The following C8G variants were observed in gnomAD, a reference collection of about 807,000 sequenced individuals.
C8G encodes complement component C8 gamma chain.
Under a neutral mutation model 29.1 loss-of-function variants are expected in C8G, and 38 were observed. That is an observed-to-expected ratio of 1.31 (90% CI 1.01 to 1.71). The LOEUF is 1.71. Among genes scored for constraint, C8G ranks in the 40% most tolerant of loss-of-function variants. C8G has a pLI of 0.00. For synonymous variants in C8G, 158 were observed against 113.2 expected (o/e 1.40, Z -2.51); for missense variants, 300 against 267.4 (o/e 1.12, Z -0.85).
Position 136,946,425 on chromosome 9 carries a change from G to A in C8G, c.455-40G>A, listed in dbSNP as rs555819113. The A allele has an allele frequency of 7.0e-5, 108 of 1,541,278 alleles. No individual in the cohort carries two copies. In the African/African-American group the frequency reaches 9.9e-4, roughly 14 times the overall value. ...CCCCGTTTCCAGAGCCCTCCACGCC[G>A]CCTGGTGCCAGGACCCCAGGAACCC... is the stretch of plus-strand genomic sequence containing the variant. On this transcript the variant is annotated intron_variant, in intron 4 of 6. Transcript: ENST00000371634.
chr9:136,945,793 A>C (rs1389204744), intron 2 of C8G, 23 bp downstream of exon 2: 1 of 1,542,556 alleles, frequency 6.5e-7, no homozygotes, highest in South Asian at 1.2e-5. Context: ...GCAGCCCTGC[A>C]CCCTAACCCC....
rs1168724063 is a variant in C8G, at chr9:136,945,268, T to C, written c.-53T>C. ...AGCAGAGTAGACTCTGTCCTGGGAC[T>C]TGGTGGTGCTACCCTTGGCCTCCCA... On this transcript the variant is annotated 5_prime_UTR_variant, in exon 1 of 7. Coordinates refer to ENST00000371634, the MANE Select transcript of C8G (RefSeq NM_000606.3). The C allele has an allele frequency of 1.3e-6, 2 of 1,542,874 alleles. No individual in the cohort carries two copies. The highest frequency in any genetic ancestry group is 1.8e-6 in the Non-Finnish European group (2 of 1,141,888).
At chr9:136,946,738 G>T in intron 6 of C8G, 30 bp from the exon 7 acceptor site, 1 of 1,608,320 alleles carries the variant, frequency 6.2e-7, no homozygotes, top group Non-Finnish European at 8.5e-7. Context: ...GGGGGCCACT[G>T]CCACCGGCTG....
At chr9:136,946,217 C>A in intron 4 of C8G, 25 bp downstream of exon 4, 1 of 1,525,262 alleles carries the variant, frequency 6.6e-7, no homozygotes. Flanking sequence ...GCCTCTGTGA[C>A]CAGGCAGGCG....
rs1439888992 is a variant in C8G at position 136,946,705 on chromosome 9, G to A, written c.595+16G>A. ...GTCCTGGACGGTGAGTGCACAGCGG[G>A]GCAAGCATGGCGGCGTGGTGAGGGG... On this transcript the variant is annotated intron_variant, in intron 6 of 6. Transcript: ENST00000371634. 6.2e-7 allele frequency: 1 copy of A among 1,611,346 alleles called. No homozygotes were observed. Among genetic ancestry groups the A allele is most frequent in the Non-Finnish European group, 8.5e-7 (1 of 1,179,962 alleles).
At position 136,946,755 on chromosome 9, in the gene C8G, G is replaced by A. The variant is rs754677589; in HGVS notation, c.596-13G>A. 3.9e-5 allele frequency: 62 copies of A among 1,604,582 alleles called. No homozygotes were observed. The East Asian group carries it at 9.2e-4, about 24-fold the overall frequency. On this transcript the variant is annotated splice_polypyrimidine_tract_variant and intron_variant, in intron 6 of 6. Coordinates refer to ENST00000371634, the MANE Select transcript of C8G (RefSeq NM_000606.3). ...GGGCCACTGCCACCGGCTGAGTCTC[G>A]TCTCTGCTGCAGAAGTGAGGAGGTG...
In C8G at chr9:136,946,109, A is replaced by C; in HGVS notation, c.371A>C (p.His124Pro). ...GCCCGAGACGCCCGAGGGGCTGTGCACGTGGTTGTCGCTGAGACCGACTAC... is the reference window on the plus strand; with the variant it reads ...GCCCGAGACGCCCGAGGGGCTGTGCCCGTGGTTGTCGCTGAGACCGACTAC... ...LQARDARGAVHVVVAETDYQS... is the reference protein window; with the variant it reads ...LQARDARGAVPVVVAETDYQS... The change falls in exon 4 of 7, where the codon CAC becomes CCC. Residue 124 changes from histidine to proline, a missense_variant. Transcript: ENST00000371634. 6.3e-7 allele frequency: 1 copy of C among 1,597,076 alleles called. No homozygotes were observed. The highest frequency in any genetic ancestry group is 8.6e-7 in the Non-Finnish European group (1 of 1,169,566).
In C8G at chr9:136,945,878, A is replaced by G. The variant is rs576325209; in HGVS notation, c.276-51A>G. The G allele has an allele frequency of 6.1e-5, 95 of 1,546,642 alleles. No individual in the cohort carries two copies. The African/African-American group carries it at 1.2e-3, about 19-fold the overall frequency. ...CACCCCGGCTGTGGCCTGGACTAGG[A>G]TTCCTGGTTGGGGTCTCCCAGCCTG... On this transcript the variant is annotated intron_variant, in intron 2 of 6. Transcript: ENST00000371634.
chr9:136,946,886 C>A lies in C8G; in HGVS notation c.*105C>A. The A allele has an allele frequency of 1.4e-6, 2 of 1,404,238 alleles. No individual in the cohort carries two copies. Among genetic ancestry groups the A allele is most frequent in the Non-Finnish European group, 1.9e-6 (2 of 1,027,664 alleles). The allele number at this position is 1,404,238 out of a possible 1,614,324, so 87.0% of individuals were successfully genotyped here. ...CCGTGAAACCAGCCTCAGATCAGGG[C>A]CCTGCCACCCAGGGCAGGGGATCTT... On this transcript the variant is annotated 3_prime_UTR_variant, in exon 7 of 7. Coordinates refer to ENST00000371634, the MANE Select transcript of C8G (RefSeq NM_000606.3).
chr9:136,946,450 C>T lies in C8G; in HGVS notation c.455-15C>T. On this transcript the variant is annotated splice_polypyrimidine_tract_variant and intron_variant, in intron 4 of 6. Transcript: ENST00000371634. Reference sequence around the variant, plus strand: ...GCCTGGTGCCAGGACCCCAGGAACCCTGTCTGCCCTGCAGCCCGCTCGCTC... The same window carrying T: ...GCCTGGTGCCAGGACCCCAGGAACCTTGTCTGCCCTGCAGCCCGCTCGCTC... 1.3e-6 allele frequency: 2 copies of T among 1,578,334 alleles called. No individual in the cohort carries two copies. Among genetic ancestry groups the T allele is most frequent in the Non-Finnish European group, 1.7e-6 (2 of 1,161,418 alleles).
chr9:136,946,943 G>T lies in C8G; in HGVS notation c.*162G>T. ...GCTGCCCCAGAGGACAGTGGGTGGA[G>T]TGGTACCTACTTATTAAATGTCTCA... On this transcript the variant is annotated 3_prime_UTR_variant, in exon 7 of 7. Coordinates refer to ENST00000371634, the MANE Select transcript of C8G (RefSeq NM_000606.3). 1.2e-6 allele frequency: 1 copy of T among 835,796 alleles called. No individual in the cohort carries two copies. 51.8% of individuals were successfully genotyped at this position (835,796 alleles called of 1,614,324 possible). A position where few individuals can be genotyped will look rare whatever the true frequency, so the allele number is the denominator to read the frequency against.
In C8G at chr9:136,946,291, C is replaced by T. The variant is rs756062761; in HGVS notation, c.454+99C>T. 16 of 1,366,352 alleles carry T rather than the reference C, an allele frequency of 1.2e-5. No homozygotes were observed. The Middle Eastern group carries it at 2.7e-3, about 232-fold the overall frequency. The allele number at this position is 1,366,352 out of a possible 1,614,324, so 84.6% of individuals were successfully genotyped here. On this transcript the variant is annotated intron_variant, in intron 4 of 6. Coordinates refer to ENST00000371634, the MANE Select transcript of C8G (RefSeq NM_000606.3). Reference sequence around the variant, plus strand: ...TGGGTGAGCCCATGGGGACACACTTCCTTTCTCCCATCCTGATCCTCCTGC... The same window carrying T: ...TGGGTGAGCCCATGGGGACACACTTTCTTTCTCCCATCCTGATCCTCCTGC...
At position 136,946,913 on chromosome 9, in the gene C8G, T is replaced by G; in HGVS notation, c.*132T>G. ...CTGCCACCCAGGGCAGGGGATCTTC[T>G]GCCGGCTGCCCCAGAGGACAGTGGG... On this transcript the variant is annotated 3_prime_UTR_variant, in exon 7 of 7. Transcript: ENST00000371634. 8.6e-7 allele frequency: 1 copy of G among 1,166,316 alleles called. No individual in the cohort carries two copies. Among genetic ancestry groups the G allele is most frequent in the Non-Finnish European group, 1.2e-6 (1 of 812,306 alleles). The allele number at this position is 1,166,316 out of a possible 1,614,324, so 72.2% of individuals were successfully genotyped here. A position where few individuals can be genotyped will look rare whatever the true frequency, so the allele number is the denominator to read the frequency against.
Position 136,945,720 on chromosome 9 carries a change from G to C in C8G, c.225G>C (p.Leu75=). ...GCCACCGGGCCGAGGCCACCACACTGCATGTGGCTCCCCAGGGCACAGCCA... is the reference window on the plus strand; with the variant it reads ...GCCACCGGGCCGAGGCCACCACACTCCATGTGGCTCCCCAGGGCACAGCCA... The part of the protein sequence containing the change: ...EQGHRAEATT[L]HVAPQGTAMA... The change falls in exon 2 of 7, where the codon CTG becomes CTC. Residue 75 remains leucine, a synonymous_variant. Transcript: ENST00000371634. 1 of 1,583,020 alleles carries C rather than the reference G, an allele frequency of 6.3e-7. No individual in the cohort carries two copies. The highest frequency in any genetic ancestry group is 8.6e-7 in the Non-Finnish European group (1 of 1,166,834).
Position 136,945,320 on chromosome 9 carries a change from C to T in C8G, c.-1C>T, listed in dbSNP as rs764271778. 6 of 1,600,010 alleles carry T rather than the reference C, an allele frequency of 3.7e-6. No homozygotes were observed. Among genetic ancestry groups the T allele is most frequent in the African/African-American group, 1.3e-5 (1 of 74,648 alleles). On this transcript the variant is annotated 5_prime_UTR_variant, in exon 1 of 7. Transcript: ENST00000371634. ...AGTCCTGCCACCCTGCTGCCGCCAC[C>T]ATGCTGCCCCCTGGGACTGCGACCC... is the stretch of plus-strand genomic sequence containing the variant.
chr9:136,945,758 C>T lies in C8G; in HGVS notation c.263C>T (p.Thr88Ile), dbSNP rs1216466745. 2 of 1,557,344 alleles carry T rather than the reference C, an allele frequency of 1.3e-6. No individual in the cohort carries two copies. Among genetic ancestry groups the T allele is most frequent in the Non-Finnish European group, 8.7e-7 (1 of 1,152,830 alleles). The change falls in exon 2 of 7, where the codon ACC becomes ATC. Residue 88 changes from threonine to isoleucine, a missense_variant. Coordinates refer to ENST00000371634, the MANE Select transcript of C8G (RefSeq NM_000606.3). ...APQGTAMAVS[T>I]FRKLDGICWQ... The stretch of plus-strand genomic sequence containing the variant: ...CAGGGCACAGCCATGGCTGTCAGTA[C>T]CTTCCGAAAGCTGTGAGTCCCAGAG...
Position 136,946,004 on chromosome 9 carries a change from G to T in C8G, c.346+5G>T. 1 of 1,587,990 alleles carries T rather than the reference G, an allele frequency of 6.3e-7. No homozygotes were observed. Reference sequence around the variant, plus strand: ...TCGGCCGCTTCCTGCTTCAAGGTGAGGCAGGGGCTGCAGGGCATGTGGGTG... The same window carrying T: ...TCGGCCGCTTCCTGCTTCAAGGTGATGCAGGGGCTGCAGGGCATGTGGGTG... On this transcript the variant is annotated splice_donor_5th_base_variant and intron_variant, in intron 3 of 6. Transcript: ENST00000371634.
Position 136,945,354 on chromosome 9 carries a change from C to T in C8G, c.34C>T (p.Leu12=), listed in dbSNP as rs149413517. The stretch of plus-strand genomic sequence containing the variant: ...CCCTGGGACTGCGACCCTCTTGACT[C>T]TGCTCCTGGCAGCTGGCTCGCTGGG... The part of the protein sequence containing the change: ...LPPGTATLLT[L]LLAAGSLGQK... The change falls in exon 1 of 7, where the codon CTG becomes TTG. Residue 12 remains leucine, a synonymous_variant. Transcript: ENST00000371634. 3.1e-6 allele frequency: 5 copies of T among 1,612,940 alleles called. No individual in the cohort carries two copies. The highest frequency in any genetic ancestry group is 1.7e-5 in the Admixed American group (1 of 60,000).
In C8G at chr9:136,945,732, C is replaced by A. The variant is rs770535682; in HGVS notation, c.237C>A (p.Pro79=). 1 of 1,574,206 alleles carries A rather than the reference C, an allele frequency of 6.4e-7. No individual in the cohort carries two copies. Among genetic ancestry groups the A allele is most frequent in the Non-Finnish European group, 8.6e-7 (1 of 1,162,130 alleles). ...RAEATTLHVA[P]QGTAMAVSTF... Reference sequence around the variant, plus strand: ...AGGCCACCACACTGCATGTGGCTCCCCAGGGCACAGCCATGGCTGTCAGTA... The same window carrying A: ...AGGCCACCACACTGCATGTGGCTCCACAGGGCACAGCCATGGCTGTCAGTA... The change falls in exon 2 of 7, where the codon CCC becomes CCA. Residue 79 remains proline, a synonymous_variant. Coordinates refer to ENST00000371634, the MANE Select transcript of C8G (RefSeq NM_000606.3).
Sources: gnomAD v4.1 joint callset for allele counts on GRCh38, gnomAD v4.1.1 for gene constraint, MANE v1.5 for transcripts, NCBI Gene and HGNC (gene_info 2026-07-23, HGNC 2026-07-21) for gene names.